The following RAD54B variants were observed in gnomAD, a reference collection of about 807,000 sequenced individuals.
The protein encoded by RAD54B is DNA repair and recombination protein RAD54B.
In RAD54B, 78 loss-of-function variants were observed where a neutral mutation model predicts 95.8. The observed-to-expected ratio is 0.81, with a 90% CI of 0.68 to 0.98. The LOEUF (loss-of-function observed/expected upper bound fraction) is 0.98. Among genes scored for constraint, RAD54B ranks in the 50% least tolerant of loss-of-function variants. The pLI is 0.00. For missense variants in RAD54B, 957 were observed against 1,056.6 expected, an observed-to-expected ratio of 0.91 and a Z score of 1.31; for synonymous variants, 328 against 354.9, an observed-to-expected ratio of 0.92 and a Z score of 0.85.
At chr8:94,385,447 G>A (rs188404020) in intron 11 of RAD54B, among the ~76,000 whole-genome samples, 62 of 152,128 alleles carry the variant, frequency 4.1e-4, no homozygotes, top group African/African-American at 1.4e-3. Context: ...ATCTGCATAT[G>A]TACATCTCAC....
intron 3 of RAD54B, among the ~76,000 whole-genome samples, chr8:94,434,043 GTC>G (rs1336361885): frequency 6.6e-6 from 1 of 151,530 alleles, no homozygotes; most frequent in Non-Finnish European, 1.5e-5. Flanking sequence ...TTTTGTTCTT[GTC>G]TCTGTTTGTG....
At chr8:94,415,379 A>C (rs918697048) in intron 3 of RAD54B, among the ~76,000 whole-genome samples, 1 of 150,686 alleles carries the variant, frequency 6.6e-6, no homozygotes, top group African/African-American at 2.4e-5. Context: ...AGATGGATTA[A>C]AGACTTAAAC....
At chr8:94,474,075 G>A (rs1462243352) in intron 1 of RAD54B, among the ~76,000 whole-genome samples, 1 of 152,222 alleles carries the variant, frequency 6.6e-6, no homozygotes, top group Admixed American at 6.5e-5. Flanking sequence ...CAACATGGGT[G>A]CAGCTGGAGG....
intron 2 of RAD54B, among the ~76,000 whole-genome samples, chr8:94,462,754 A>T (rs1475034599): frequency 1.2e-4 from 19 of 152,194 alleles, no homozygotes; most frequent in Non-Finnish European, 2.2e-4. Flanking sequence ...AAATTGCTGT[A>T]TAATTTCAAA....
At chr8:94,380,455 A>C (rs755387784) in intron 11 of RAD54B, 49 bp from the exon 12 acceptor site, 2 of 1,522,592 alleles carry the variant, frequency 1.3e-6, no homozygotes, top group South Asian at 2.6e-5. Context: ...AGGCAGCATT[A>C]GATTTTCTTA....
intron 3 of RAD54B, among the ~76,000 whole-genome samples, chr8:94,446,813 T>C (rs1812533404): frequency 6.6e-6 from 1 of 152,094 alleles, no homozygotes; most frequent in Non-Finnish European, 1.5e-5. Flanking sequence ...AGCTAGATGG[T>C]GGCCACCAAG....
At chr8:94,431,857 A>G (rs1812104057) in intron 3 of RAD54B, 2 of 1,107,416 alleles carry the variant, frequency 1.8e-6, no homozygotes, top group African/African-American at 1.7e-5. Flanking sequence ...GCATTTGTGT[A>G]TATCTTAGTG....
Position 94,467,425 on chromosome 8 carries a change from G to T in RAD54B, c.115C>A (p.Pro39Thr), listed in dbSNP as rs1813055131. 4 of 1,609,340 alleles carry T rather than the reference G, an allele frequency of 2.5e-6. No homozygotes were observed. Among genetic ancestry groups the T allele is most frequent in the Admixed American group, 1.7e-5 (1 of 59,176 alleles). The change falls in exon 2 of 15, where the codon CCA becomes ACA. Residue 39 changes from proline (P) to threonine (T), a missense_variant. Coordinates refer to ENST00000336148, the MANE Select transcript of RAD54B (RefSeq NM_012415.3). Reference protein sequence around the residue: ...GLNEEITKLNPDIKLFEGVAI... With the variant: ...GLNEEITKLNTDIKLFEGVAI... Reference sequence around the variant, plus strand: ...CTTACCTCAAATAATTTTATATCTGGATTCAGTTTTGTAATCTCTTCATTC... The same window carrying T: ...CTTACCTCAAATAATTTTATATCTGTATTCAGTTTTGTAATCTCTTCATTC...
intron 3 of RAD54B, among the ~76,000 whole-genome samples, chr8:94,425,234 T>C (rs1263958959): frequency 6.7e-6 from 1 of 148,918 alleles, no homozygotes; most frequent in African/African-American, 2.5e-5. Flanking sequence ...ATATTCTTTT[T>C]TTTTTTTTTT....
intron 3 of RAD54B, chr8:94,430,851 T>C: frequency 1.0e-6 from 1 of 985,468 alleles, no homozygotes; most frequent in East Asian, 1.1e-4. Context: ...GGAGATGTCC[T>C]TCCTAGTCCA....
At chr8:94,405,566 T>C (rs1329678841) in intron 5 of RAD54B, among the ~76,000 whole-genome samples, 1 of 152,160 alleles carries the variant, frequency 6.6e-6, no homozygotes, top group African/African-American at 2.4e-5. Flanking sequence ...TCAATTCCTG[T>C]TAGGTAGGAG....
At chr8:94,434,052 T>C (rs1812193883) in intron 3 of RAD54B, among the ~76,000 whole-genome samples, 1 of 151,874 alleles carries the variant, frequency 6.6e-6, no homozygotes, top group Admixed American at 6.6e-5. Flanking sequence ...TGTCTCTGTT[T>C]GTGTCATTTT....
intron 3 of RAD54B, chr8:94,432,378 C>T (rs886153940): frequency 8.4e-6 from 13 of 1,550,158 alleles, no homozygotes; most frequent in African/African-American, 6.8e-5. Context: ...ACTCTCATGC[C>T]GAAAAAAATC....
At chr8:94,399,758 T>C in intron 7 of RAD54B, 137 bp from the exon 8 acceptor site, 1 of 1,197,878 alleles carries the variant, frequency 8.3e-7, no homozygotes. Flanking sequence ...CTGAGGCTGC[T>C]ATAAACAAAA....
chr8:94,377,503 T>A (rs1182405200), intron 14 of RAD54B, among the ~76,000 whole-genome samples: 3 of 121,984 alleles, frequency 2.5e-5, no homozygotes, highest in African/African-American at 9.8e-5. Flanking sequence ...ACCACTGCAC[T>A]CCAGCCTGGG....
intron 3 of RAD54B, among the ~76,000 whole-genome samples, chr8:94,426,092 A>T (rs527956022): frequency 3.3e-4 from 50 of 152,128 alleles, no homozygotes; most frequent in African/African-American, 1.1e-3. Context: ...AGCTGGGATT[A>T]CAGGTGCCTG....
At chr8:94,413,508 T>C (rs80279644) in intron 3 of RAD54B, among the ~76,000 whole-genome samples, 2,192 of 152,226 alleles carry the variant, frequency 0.014, 46 homozygotes, top group African/African-American at 0.049. Context: ...TTGGAAAAGA[T>C]AAACATCAAC....
chr8:94,473,329 T>C (rs969440429), intron 1 of RAD54B, among the ~76,000 whole-genome samples: 6 of 152,162 alleles, frequency 3.9e-5, no homozygotes, highest in African/African-American at 1.4e-4. Flanking sequence ...CACAAGTACT[T>C]GGCACTACAC....
intron 8 of RAD54B, 90 bp from the exon 9 acceptor site, chr8:94,393,972 A>G: frequency 8.3e-7 from 1 of 1,206,916 alleles, no homozygotes; most frequent in Non-Finnish European, 1.2e-6. Context: ...GGAAGTTTGG[A>G]GAAATTTATT....
Sources: gnomAD v4.1 joint callset for allele counts (sites outside exome capture counted in the v4.1 genomes callset) on GRCh38, gnomAD v4.1.1 for gene constraint, MANE v1.5 for transcripts, NCBI Gene and HGNC (gene_info 2026-07-23, HGNC 2026-07-21) for gene names.